The following SUGCT variants were observed in gnomAD, a reference collection of about 807,000 sequenced individuals.
SUGCT encodes succinyl-CoA:glutarate CoA-transferase.
A neutral mutation model predicts 55.0 loss-of-function variants in SUGCT; 41 were observed. The observed-to-expected ratio is 0.74, with a 90% CI of 0.58 to 0.97. The LOEUF is 0.97. Ranked by LOEUF, SUGCT falls within the 50% of genes least tolerant of loss-of-function variation. SUGCT has a pLI of 0.00. For missense variants in SUGCT, 568 were observed against 547.8 expected (o/e 1.04, Z -0.37); for synonymous variants, 187 against 200.4 (o/e 0.93, Z 0.56).
chr7:40,474,978 G>A (rs1790585137), intron 11 of SUGCT, among the ~76,000 whole-genome samples: 1 of 152,118 alleles, frequency 6.6e-6, no homozygotes, highest in Non-Finnish European at 1.5e-5. Context: ...ATAGTGTGAT[G>A]GTAGTTAACT....
intron 9 of SUGCT, among the ~76,000 whole-genome samples, chr7:40,374,890 A>G (rs1422922449): frequency 6.6e-6 from 1 of 152,076 alleles, no homozygotes; most frequent in Non-Finnish European, 1.5e-5. Context: ...CTCTGGTGGA[A>G]AGTTGTTAGG....
At chr7:40,323,686 C>T (rs914931573) in intron 9 of SUGCT, among the ~76,000 whole-genome samples, 3 of 152,174 alleles carry the variant, frequency 2.0e-5, no homozygotes, top group East Asian at 3.9e-4. Flanking sequence ...AGCCATTGCT[C>T]GCAGACTTAG....
intron 9 of SUGCT, among the ~76,000 whole-genome samples, chr7:40,378,808 T>C (rs1216699013): frequency 6.6e-6 from 1 of 152,220 alleles, no homozygotes; most frequent in Non-Finnish European, 1.5e-5. Context: ...AGGACATGCT[T>C]TTCTTTAATT....
chr7:40,599,986 A>C (rs1281052817), intron 12 of SUGCT, among the ~76,000 whole-genome samples: 3 of 152,030 alleles, frequency 2.0e-5, no homozygotes. Flanking sequence ...TGTGAGGAGA[A>C]TGCTTCTCTT....
At chr7:40,547,706 C>T (rs896328699) in intron 12 of SUGCT, among the ~76,000 whole-genome samples, 14 of 152,032 alleles carry the variant, frequency 9.2e-5, no homozygotes, top group African/African-American at 3.1e-4. Context: ...GGTTACTTCT[C>T]TTTATAGCTT....
At chr7:40,876,417 G>A in the SUGCT span, among the ~76,000 whole-genome samples, 7 of 152,112 alleles carry the variant, frequency 4.6e-5, no homozygotes, top group Admixed American at 1.3e-4. Flanking sequence ...CACTCTTACA[G>A]CTGTCTGTCA....
intron 12 of SUGCT, among the ~76,000 whole-genome samples, chr7:40,691,511 C>T (rs1562948764): frequency 1.3e-5 from 2 of 152,118 alleles, no homozygotes; most frequent in African/African-American, 4.8e-5. Flanking sequence ...CAGATATAAA[C>T]TTTTGATATA....
chr7:40,928,123 A>AT, the SUGCT span, among the ~76,000 whole-genome samples: 1 of 151,400 alleles, frequency 6.6e-6, no homozygotes, highest in African/African-American at 2.4e-5. Context: ...AATTATTTTT[A>AT]TTTTTTTTCC....
the SUGCT span, among the ~76,000 whole-genome samples, chr7:40,905,613 T>C: frequency 1.3e-5 from 2 of 152,176 alleles, no homozygotes; most frequent in Non-Finnish European, 2.9e-5. Context: ...TACTGTGTAC[T>C]CAGGGTCTAG....
intron 12 of SUGCT, among the ~76,000 whole-genome samples, chr7:40,657,770 G>A (rs757790481): frequency 3.9e-5 from 6 of 152,196 alleles, no homozygotes; most frequent in Non-Finnish European, 7.3e-5. Context: ...TCCTGACCTC[G>A]TGATTCACCC....
chr7:40,245,404 C>CACATATATATAT (rs1252155153), intron 7 of SUGCT, among the ~76,000 whole-genome samples: 2 of 53,304 alleles, frequency 3.8e-5, no homozygotes, highest in African/African-American at 1.9e-4. Context: ...ACGTAGTAGA[C>CACATATATATAT]ATATATATAT....
chr7:40,541,433 A>G (rs185710700), intron 12 of SUGCT, among the ~76,000 whole-genome samples: 477 of 152,302 alleles, frequency 3.1e-3, no homozygotes, highest in Non-Finnish European at 5.6e-3. Flanking sequence ...GATTAAGAAA[A>G]TCCTCAAACA....
chr7:40,614,609 T>C (rs1046940186), intron 12 of SUGCT, among the ~76,000 whole-genome samples: 8 of 152,228 alleles, frequency 5.3e-5, no homozygotes, highest in African/African-American at 1.4e-4. Flanking sequence ...AATGAGGCCA[T>C]ACCACAGTTT....
the SUGCT span, among the ~76,000 whole-genome samples, chr7:40,937,681 G>A: frequency 6.6e-6 from 1 of 151,804 alleles, no homozygotes; most frequent in Non-Finnish European, 1.5e-5. Context: ...TTTTTTGTCT[G>A]AACGTCTATT....
chr7:40,518,156 G>A (rs1793347735), intron 12 of SUGCT, among the ~76,000 whole-genome samples: 1 of 152,018 alleles, frequency 6.6e-6, no homozygotes, highest in South Asian at 2.1e-4. Flanking sequence ...AATCAACCGG[G>A]ATACCAAGAG....
the SUGCT span, among the ~76,000 whole-genome samples, chr7:40,892,352 T>A: frequency 6.6e-6 from 1 of 152,008 alleles, no homozygotes; most frequent in Non-Finnish European, 1.5e-5. Context: ...CAAAGACCTA[T>A]AGTACATACA....
At chr7:40,327,866 A>C (rs891484675) in intron 9 of SUGCT, among the ~76,000 whole-genome samples, 2 of 152,202 alleles carry the variant, frequency 1.3e-5, no homozygotes, top group Non-Finnish European at 2.9e-5. Flanking sequence ...TAAATATCTT[A>C]CATATATTAA....
intron 9 of SUGCT, among the ~76,000 whole-genome samples, chr7:40,343,778 T>C (rs1313741356): frequency 6.6e-6 from 1 of 152,148 alleles, no homozygotes; most frequent in Non-Finnish European, 1.5e-5. Flanking sequence ...TGCCTCAGCC[T>C]CCTGAGTAGC....
At chr7:40,638,362 A>C (rs1426096880) in intron 12 of SUGCT, among the ~76,000 whole-genome samples, 1 of 152,218 alleles carries the variant, frequency 6.6e-6, no homozygotes, top group Non-Finnish European at 1.5e-5. Flanking sequence ...CCTTGATGAA[A>C]GAGAGTAGGT....
Sources: gnomAD v4.1 joint callset for allele counts (sites outside exome capture counted in the v4.1 genomes callset) on GRCh38, gnomAD v4.1.1 for gene constraint, MANE v1.5 for transcripts, NCBI Gene and HGNC (gene_info 2026-07-23, HGNC 2026-07-21) for gene names.